TTN: variants seen among roughly 807,000 people sequenced by gnomAD.
TTN encodes titin.
Under a neutral mutation model 3,223.0 loss-of-function variants are expected in TTN, and 1,525 were observed. The ratio of observed to expected loss-of-function variants is 0.47; its 90% CI spans 0.45 to 0.49. TTN has a LOEUF of 0.49. Among genes scored for constraint, TTN ranks in the 20% least tolerant of loss-of-function variants. The pLI is 0.00. For missense variants in TTN, 40,786 were observed against 43,424.0 expected (o/e 0.94, Z 5.40); for synonymous variants, 14,094 against 15,161.0 (o/e 0.93, Z 5.17).
chr2:178,563,027 C>A lies in TTN; in HGVS notation c.83105G>T (p.Arg27702Leu). ...TTCCCATTTAACTTCGGGTTCTGGT[C>A]GACCTTTGATAGTGACAAATAAGCG... The part of the protein sequence containing the change: ...TLRLFVTIKG[R>L]PEPEVKWEKA... Residue 27702 changes from arginine (R) to leucine (L), a missense_variant, in exon 326 of 363, where the codon CGA becomes CTA. Physicochemically the swap from Arg to Leu is moderately radical, Grantham distance 102. Coordinates refer to ENST00000589042, the MANE Select transcript of TTN (RefSeq NM_001267550.2). The surrounding 1 kb of genome is among the most constrained non-coding windows in gnomAD (Gnocchi z 4.5). 1.2e-6 allele frequency: 2 copies of A among 1,613,612 alleles called. No homozygotes were observed. The highest frequency in any genetic ancestry group is 2.2e-5 in the South Asian group (2 of 91,044).
chr2:178,781,316 G>C, intron 20 of TTN, 53 bp from the exon 21 acceptor site: 1 of 1,601,866 alleles, frequency 6.2e-7, no homozygotes. Context: ...CTCTTCTGTG[G>C]GTAAAATAAT....
rs774506028 is a variant in TTN, at chr2:178,777,704, C to A, written c.4480G>T (p.Gly1494Cys). ...PMPETFWFHDGQQIVNDYTHK... is the reference protein window; with the variant it reads ...PMPETFWFHDCQQIVNDYTHK... ...ATGAGCAAAAACTTATCACGCTTAC[C>A]ATCATGAAACCAGAACGTCTCTGGC... The change falls in exon 25 of 363, where the codon GGC (glycine) becomes TGC (cysteine). Residue 1494 changes from glycine to cysteine, a missense_variant and splice_region_variant. Transcript: ENST00000589042. The A allele has an allele frequency of 1.2e-6, 2 of 1,613,958 alleles. No individual in the cohort carries two copies. Among genetic ancestry groups the A allele is most frequent in the South Asian group, 2.2e-5 (2 of 91,056 alleles).
In TTN at chr2:178,589,003, G is replaced by T. The variant is rs543860009; in HGVS notation, c.62722C>A (p.Arg20908=). ...GCAGAATAGGTAGACCAAACCATTC[G>T]CTTTGTCTCACATTTTTCTAGAATA... is the stretch of plus-strand genomic sequence containing the variant. ...NYILEKCETK[R]MVWSTYSATV... The change falls in exon 304 of 363, where the codon CGA becomes AGA. Residue 20908 remains arginine (R), a synonymous_variant. Coordinates refer to ENST00000589042, the MANE Select transcript of TTN (RefSeq NM_001267550.2). The T allele has an allele frequency of 6.8e-6, 11 of 1,611,282 alleles. No homozygotes were observed. The highest frequency in any genetic ancestry group is 9.3e-6 in the Non-Finnish European group (11 of 1,179,296).
chr2:178,574,988 A>G lies in TTN; in HGVS notation c.71144T>C (p.Val23715Ala), dbSNP rs759011433. The G allele has an allele frequency of 1.2e-5, 19 of 1,613,142 alleles. No homozygotes were observed. The highest frequency in any genetic ancestry group is 1.7e-4 in the Middle Eastern group (1 of 6,052). Residue 23715 changes from valine (V) to alanine (A), a missense_variant, in exon 326 of 363, where the codon GTT (valine) becomes GCT (alanine). Transcript: ENST00000589042. Reference sequence around the variant, plus strand: ...GACTTGAATGGTGATGACATCACCAACCTCTCCTACAATGTTCCTTGCTGT... The same window carrying G: ...GACTTGAATGGTGATGACATCACCAGCCTCTCCTACAATGTTCCTTGCTGT... ...PLTARNIVGE[V>A]GDVITIQVHD...
Position 178,622,655 on chromosome 2 carries a change from T to C in TTN, c.44913+15A>G. 2 of 1,584,096 alleles carry C rather than the reference T, an allele frequency of 1.3e-6. No homozygotes were observed. The highest frequency in any genetic ancestry group is 1.7e-6 in the Non-Finnish European group (2 of 1,159,544). ...TTATTTGACAGTACAAGATGACAGG[T>C]ATACAGTCACAGACCTTAGCATTTT... On this transcript the variant is annotated intron_variant, in intron 243 of 362. Coordinates refer to ENST00000589042, the MANE Select transcript of TTN (RefSeq NM_001267550.2).
At chr2:178,747,285 A>T (rs573931817) in intron 47 of TTN, 1 of 1,613,264 alleles carries the variant, frequency 6.2e-7, no homozygotes, top group East Asian at 2.2e-5. Flanking sequence ...GGTGTTGAAT[A>T]TCTTTCAGCA....
At chr2:178,800,066 G>C (rs1426140492) in intron 4 of TTN, among the ~76,000 whole-genome samples, 156 bp from the exon 5 acceptor site, 3 of 152,060 alleles carry the variant, frequency 2.0e-5, no homozygotes, top group Admixed American at 2.0e-4. Flanking sequence ...TATAAATTAG[G>C]TTTAAAAATA....
intron 207 of TTN, 34 bp from the exon 208 acceptor site, chr2:178,651,354 A>G (rs1160308922): frequency 3.1e-6 from 5 of 1,608,066 alleles, no homozygotes; most frequent in Non-Finnish European, 4.3e-6. Flanking sequence ...CATTAGAAAC[A>G]ATCACCAGTA....
In TTN at chr2:178,531,192, G is replaced by C. The variant is rs534484592; in HGVS notation, c.105423C>G (p.Tyr35141Ter). Reference sequence around the variant, plus strand: ...AAGAAAACCTTGCAGACTCGCCCTCGTAGACGGTCATGGACCGTGGCTTTG... The same window carrying C: ...AAGAAAACCTTGCAGACTCGCCCTCCTAGACGGTCATGGACCGTGGCTTTG... Reference protein sequence around the residue: ...ILTKPRSMTVYEGESARFSCD... With the variant: ...ILTKPRSMTV Residue 35141 changes from tyrosine (Y) to a stop codon, truncating the protein, a stop_gained, in exon 358 of 363, where the codon TAC (tyrosine) becomes TAG (stop). Transcript: ENST00000589042. LOFTEE classifies it high-confidence loss of function. 6.2e-7 allele frequency: 1 copy of C among 1,613,934 alleles called. No homozygotes were observed. Among genetic ancestry groups the C allele is most frequent in the South Asian group, 1.1e-5 (1 of 91,084 alleles).
chr2:178,608,569 G>A, intron 274 of TTN, 37 bp downstream of exon 274: 1 of 1,591,280 alleles, frequency 6.3e-7, no homozygotes, highest in Non-Finnish European at 8.5e-7. Flanking sequence ...AAAGTACATG[G>A]TAAAAAGGCA....
Position 178,566,541 on chromosome 2 carries a change from C to T in TTN, c.79591G>A (p.Glu26531Lys), listed in dbSNP as rs772211147. ...GGAGTAACTATTTGCCATTCTTCTTCATCTGCTTTACAGATTTCTACTACA... is the reference window on the plus strand; with the variant it reads ...GGAGTAACTATTTGCCATTCTTCTTTATCTGCTTTACAGATTTCTACTACA... ...GYVVEICKAD[E>K]EEWQIVTPQT... Residue 26531 changes from glutamate to lysine, a missense_variant, in exon 326 of 363, where the codon GAA becomes AAA. Transcript: ENST00000589042. 1.7e-5 allele frequency: 28 copies of T among 1,613,366 alleles called. No homozygotes were observed. Among genetic ancestry groups the T allele is most frequent in the Non-Finnish European group, 2.2e-5 (26 of 1,179,694 alleles).
intron 50 of TTN, 33 bp from the exon 51 acceptor site, chr2:178,735,021 A>G (rs1480764559): frequency 1.3e-6 from 2 of 1,496,968 alleles, no homozygotes; most frequent in Admixed American, 2.5e-5. Context: ...AAAAAGGAGA[A>G]GATATCTGAA....
chr2:178,658,409 A>C, intron 184 of TTN, 54 bp from the exon 185 acceptor site: 14 of 965,454 alleles, frequency 1.5e-5, no homozygotes, highest in Non-Finnish European at 2.0e-5. Context: ...TATATATTAC[A>C]GTGATTGTGA....
rs1282968520 is a variant in TTN, at chr2:178,569,223, T to C, written c.76909A>G (p.Ile25637Val). The C allele has an allele frequency of 3.7e-6, 6 of 1,604,594 alleles. No individual in the cohort carries two copies. The highest frequency in any genetic ancestry group is 2.2e-5 in the East Asian group (1 of 44,758). ...LDGGSKIKNY[I>V]VEKREATRKS... is the part of the protein sequence containing the mutation. ...CTTGTGGCTTCACGTTTCTCAACAA[T>C]GTAATTTTTTATTTTGGATCCCCCA... Residue 25637 changes from isoleucine to valine, a missense_variant, in exon 326 of 363, where the codon ATT becomes GTT. Physicochemically the swap from Ile to Val is conservative, Grantham distance 29 (BLOSUM62 3). Coordinates refer to ENST00000589042, the MANE Select transcript of TTN (RefSeq NM_001267550.2).
chr2:178,585,281 G>T lies in TTN; in HGVS notation c.64463C>A (p.Ala21488Asp). 2 of 1,612,234 alleles carry T rather than the reference G, an allele frequency of 1.2e-6. No homozygotes were observed. Among genetic ancestry groups the T allele is most frequent in the Non-Finnish European group, 1.7e-6 (2 of 1,179,072 alleles). Residue 21488 changes from alanine to aspartate, a missense_variant, in exon 309 of 363, where the codon GCC becomes GAC. Physicochemically the swap from Ala to Asp is moderately radical, Grantham distance 126. Coordinates refer to ENST00000589042, the MANE Select transcript of TTN (RefSeq NM_001267550.2). ...GGGATGAGGCTTTCCATACACATGG[G>T]CTTCAATTCGGAGTTTTTTCCCAGC... ...IKAGKKLRIE[A>D]HVYGKPHPTC...
In TTN at chr2:178,565,628, A is replaced by G. The variant is rs1705503390; in HGVS notation, c.80504T>C (p.Val26835Ala). The G allele has an allele frequency of 6.2e-7, 1 of 1,613,536 alleles. No homozygotes were observed. Among genetic ancestry groups the G allele is most frequent in the East Asian group, 2.2e-5 (1 of 44,838 alleles). Residue 26835 changes from valine (V) to alanine (A), a missense_variant, in exon 326 of 363, where the codon GTC becomes GCC. By Grantham distance (64) the Val-to-Ala change is moderately conservative. Coordinates refer to ENST00000589042, the MANE Select transcript of TTN (RefSeq NM_001267550.2). ...CAAACCAGTAACAACTGCATTACAG[A>G]CTTTGGATTCAGCCACAATGCTCCA... ...EKWSIVAESKVCNAVVTGLSS... is the reference protein window; with the variant it reads ...EKWSIVAESKACNAVVTGLSS...
chr2:178,653,041 C>T lies in TTN; in HGVS notation c.38875G>A (p.Val12959Met). Residue 12959 changes from valine (V) to methionine (M), a missense_variant and splice_region_variant, in exon 199 of 363, where the codon GTG (valine) becomes ATG (methionine). Val to Met is a conservative substitution (Grantham distance 21, BLOSUM62 1). Coordinates refer to ENST00000589042, the MANE Select transcript of TTN (RefSeq NM_001267550.2). ...GAAGCCTAAAGCCAGTGACAAATAC[C>T]TTTAACAGGTGGGACTTCAGGTTTT... ...PKKPEVPPVKVPEAPIEVVPE... is the reference protein window; with the variant it reads ...PKKPEVPPVKMPEAPIEVVPE... 1 of 1,613,140 alleles carries T rather than the reference C, an allele frequency of 6.2e-7. No homozygotes were observed. Among genetic ancestry groups the T allele is most frequent in the Non-Finnish European group, 8.5e-7 (1 of 1,179,508 alleles).
At position 178,721,280 on chromosome 2, in the gene TTN, C is replaced by T. The variant is rs139489976; in HGVS notation, c.22817-78G>A. On this transcript the variant is annotated intron_variant, in intron 78 of 362. Transcript: ENST00000589042. Reference sequence around the variant, plus strand: ...AGAGCTTGTTTTTGTAGCTGAAGATCCCATAAATTTATATTTAAACTGGTT... The same window carrying T: ...AGAGCTTGTTTTTGTAGCTGAAGATTCCATAAATTTATATTTAAACTGGTT... 1.5e-3 allele frequency: 1,845 copies of T among 1,221,472 alleles called. 21 individuals are homozygous for T. The South Asian group carries it at 0.019, about 13-fold the overall frequency. 75.7% of individuals were successfully genotyped at this position (1,221,472 alleles called of 1,614,324 possible).
chr2:178,783,596 G>T, intron 17 of TTN, 124 bp downstream of exon 17: 2 of 849,334 alleles, frequency 2.4e-6, no homozygotes, highest in Non-Finnish European at 3.8e-6. Context: ...GTCTTAAAAT[G>T]AGCATCTGTA....
Sources: gnomAD v4.1 joint callset for allele counts (sites outside exome capture counted in the v4.1 genomes callset) on GRCh38, gnomAD v4.1.1 for gene constraint, Gnocchi (gnomAD v3.1) non-coding constraint, MANE v1.5 for transcripts, NCBI Gene and HGNC (gene_info 2026-07-23, HGNC 2026-07-21) for gene names.